Variants in MAP2K1 observed in about 807,000 individuals in gnomAD.
MAP2K1 encodes dual specificity mitogen-activated protein kinase kinase 1.
Under a neutral mutation model 46.3 loss-of-function variants are expected in MAP2K1, and 16 were observed. The observed-to-expected ratio is 0.35, with a 90% confidence interval of 0.23 to 0.52. The LOEUF is 0.52. Ranked by LOEUF, MAP2K1 falls within the 20% of genes least tolerant of loss-of-function variation. The pLI is 0.94. For missense variants in MAP2K1, 263 were observed against 497.1 expected, an observed-to-expected ratio of 0.53 and a Z score of 4.48; for synonymous variants, 183 against 185.6, an observed-to-expected ratio of 0.99 and a Z score of 0.11.
intron 1 of MAP2K1, among the ~76,000 whole-genome samples, chr15:66,391,177 C>G (rs1352209242): frequency 6.6e-6 from 1 of 151,738 alleles, no homozygotes; most frequent in African/African-American, 2.4e-5. Flanking sequence ...TAGGTGGGTA[C>G]TACTGTGCCT....
intron 1 of MAP2K1, among the ~76,000 whole-genome samples, chr15:66,393,707 C>T (rs1405051304): frequency 1.3e-5 from 2 of 152,244 alleles, no homozygotes; most frequent in Non-Finnish European, 2.9e-5. Context: ...TCTCTTCACT[C>T]ATGCACTCTA....
intron 5 of MAP2K1, among the ~76,000 whole-genome samples, chr15:66,474,825 A>G (rs1236475280): frequency 6.6e-6 from 1 of 151,968 alleles, no homozygotes; most frequent in African/African-American, 2.4e-5. Flanking sequence ...GTATATTTGA[A>G]CTGGGGAGGC....
chr15:66,465,276 A>G (rs1892433197), intron 5 of MAP2K1, among the ~76,000 whole-genome samples: 1 of 152,134 alleles, frequency 6.6e-6, no homozygotes, highest in Non-Finnish European at 1.5e-5. Flanking sequence ...CAAGACTCAC[A>G]TCTCCAACAA....
intron 1 of MAP2K1, among the ~76,000 whole-genome samples, chr15:66,398,045 T>C (rs1391346025): frequency 6.6e-6 from 1 of 150,502 alleles, no homozygotes; most frequent in East Asian, 2.0e-4. Context: ...GAGGTTGCAG[T>C]GAGCCAAGAG....
chr15:66,408,241 C>T (rs1595844061), intron 1 of MAP2K1, among the ~76,000 whole-genome samples: 1 of 152,312 alleles, frequency 6.6e-6, no homozygotes, highest in African/African-American at 2.4e-5. Context: ...ATTCTTATTT[C>T]CCAAAGAACT....
intron 5 of MAP2K1, among the ~76,000 whole-genome samples, chr15:66,465,081 C>T (rs999442920): frequency 2.6e-5 from 4 of 151,622 alleles, no homozygotes; most frequent in South Asian, 2.1e-4. Flanking sequence ...AAAAATTAGC[C>T]GGGCATGGTG....
intron 5 of MAP2K1, among the ~76,000 whole-genome samples, chr15:66,480,781 T>C (rs1174479794): frequency 1.3e-5 from 2 of 152,134 alleles, no homozygotes; most frequent in Non-Finnish European, 2.9e-5. Flanking sequence ...CTAGATATGG[T>C]CTGCCCTCAA....
chr15:66,448,410 G>T (rs1891937609), intron 5 of MAP2K1, among the ~76,000 whole-genome samples: 1 of 152,132 alleles, frequency 6.6e-6, no homozygotes, highest in African/African-American at 2.4e-5. Context: ...CCACATTTTG[G>T]GAAACACTGC....
At chr15:66,464,055 CT>C (rs1287998292) in intron 5 of MAP2K1, among the ~76,000 whole-genome samples, 2 of 152,320 alleles carry the variant, frequency 1.3e-5, no homozygotes, top group East Asian at 3.9e-4. Flanking sequence ...TTCCCTTTAG[CT>C]TAGTGATTTT....
At chr15:66,453,838 C>T (rs1201529040) in intron 5 of MAP2K1, among the ~76,000 whole-genome samples, 2 of 152,044 alleles carry the variant, frequency 1.3e-5, no homozygotes, top group Non-Finnish European at 2.9e-5. Flanking sequence ...TGCTCTGGTG[C>T]CCAGGCTTGG....
chr15:66,470,612 T>A (rs922975735), intron 5 of MAP2K1, among the ~76,000 whole-genome samples: 5 of 152,176 alleles, frequency 3.3e-5, no homozygotes, highest in Non-Finnish European at 5.9e-5. Flanking sequence ...GATCGGGGAT[T>A]CTCTGGAGGA....
chr15:66,490,145 T>TA (rs1434960760), intron 10 of MAP2K1: 1 of 509,626 alleles, frequency 2.0e-6, no homozygotes, highest in Non-Finnish European at 3.6e-6. Context: ...AGCTAAGTAA[T>TA]ACTGTAAATA....
At chr15:66,400,566 G>A (rs1454860597) in intron 1 of MAP2K1, among the ~76,000 whole-genome samples, 2 of 152,130 alleles carry the variant, frequency 1.3e-5, no homozygotes, top group African/African-American at 2.4e-5. Flanking sequence ...TCGAAAAATC[G>A]TCCTGGTCTC....
rs773755873 is a variant in MAP2K1 at position 66,489,238 on chromosome 15, A to T, written c.984A>T (p.Gly328=). 4 of 1,614,016 alleles carry T rather than the reference A, an allele frequency of 2.5e-6. No homozygotes were observed. The highest frequency in any genetic ancestry group is 3.4e-6 in the Non-Finnish European group (4 of 1,179,966). The change falls in exon 9 of 11, where the codon GGA becomes GGT. Residue 328 remains glycine, a synonymous_variant. Transcript: ENST00000307102. ...VNEPPPKLPS[G]VFSLEFQDFV... is the part of the protein sequence containing the mutation. ...AGCCTCCTCCAAAACTGCCCAGTGG[A>T]GTGTTCAGTCTGGAATTTCAAGATT...
intron 8 of MAP2K1, among the ~76,000 whole-genome samples, chr15:66,487,742 T>G (rs1182201959): frequency 6.6e-6 from 1 of 152,114 alleles, no homozygotes; most frequent in Non-Finnish European, 1.5e-5. Context: ...TCGTCGCTGC[T>G]TAAGGATTTG....
chr15:66,400,662 C>A (rs1458082662), intron 1 of MAP2K1, among the ~76,000 whole-genome samples: 2 of 152,182 alleles, frequency 1.3e-5, no homozygotes, highest in African/African-American at 2.4e-5. Context: ...GGCTCAGTTA[C>A]ATGTTTGCTA....
chr15:66,418,405 C>A (rs1419698544), intron 1 of MAP2K1, among the ~76,000 whole-genome samples: 3 of 152,188 alleles, frequency 2.0e-5, no homozygotes, highest in South Asian at 4.1e-4. Context: ...GATAGACCAG[C>A]ATGGGCCATT....
chr15:66,444,898 C>A, intron 5 of MAP2K1, 191 bp downstream of exon 5: 1 of 592,850 alleles, frequency 1.7e-6, no homozygotes, highest in Non-Finnish European at 3.0e-6. Flanking sequence ...TCTTGCTACA[C>A]CTATTGCCTA....
chr15:66,416,644 TTC>T (rs2093425335), intron 1 of MAP2K1, among the ~76,000 whole-genome samples: 1 of 152,232 alleles, frequency 6.6e-6, no homozygotes, highest in Admixed American at 6.5e-5. Flanking sequence ...TCTATGTTTT[TTC>T]TCTTTTTGCT....
Sources: gnomAD v4.1 joint callset for allele counts (sites outside exome capture counted in the v4.1 genomes callset) on GRCh38, gnomAD v4.1.1 for gene constraint, MANE v1.5 for transcripts, NCBI Gene and HGNC (gene_info 2026-07-23, HGNC 2026-07-21) for gene names.